Variants in ABCA7 observed in about 807,000 individuals in gnomAD.
ABCA7 encodes the protein ATP binding cassette subfamily A member 7.
In ABCA7, 261 loss-of-function variants were observed where a neutral mutation model predicts 227.6. That is an observed-to-expected ratio of 1.15 (90% CI 1.04 to 1.27). The LOEUF is 1.27. Among genes scored for constraint, ABCA7 ranks in the 50% most tolerant of loss-of-function variants. The pLI, the probability that ABCA7 is intolerant of heterozygous loss-of-function variation, is 0.00. For synonymous variants in ABCA7, 1,488 were observed against 1,279.7 expected, an observed-to-expected ratio of 1.16 and a Z score of -3.47; for missense variants, 3,331 against 2,924.5, an observed-to-expected ratio of 1.14 and a Z score of -3.21.
In ABCA7 at chr19:1,056,103, C is replaced by T. The variant is rs778994333; in HGVS notation, c.4276C>T (p.Leu1426=). The T allele has an allele frequency of 6.2e-7, 1 of 1,605,478 alleles. No individual in the cohort carries two copies. Among genetic ancestry groups the T allele is most frequent in the Non-Finnish European group, 8.5e-7 (1 of 1,175,736 alleles). ...CTCGCTGGGGGGCCGAGACCCAGGC[C>T]TGCCCTCGGGCCAAGAGTTGGGCCG... is the stretch of plus-strand genomic sequence containing the variant. ...GFSLGGRDPG[L]PSGQELGRSV... The change falls in exon 32 of 47, where the codon CTG becomes TTG. Residue 1426 remains leucine, a synonymous_variant. Transcript: ENST00000263094. This position sits in a 1 kb window ranked among gnomAD's most constrained non-coding sequence, Gnocchi z 4.3.
chr19:1,048,902 C>G lies in ABCA7; in HGVS notation c.2277C>G (p.Tyr759Ter). 2 of 1,605,432 alleles carry G rather than the reference C, an allele frequency of 1.2e-6. No homozygotes were observed. Among genetic ancestry groups the G allele is most frequent in the Non-Finnish European group, 8.5e-7 (1 of 1,176,072 alleles). Residue 759 changes from tyrosine (Y) to a stop codon, truncating the protein, a stop_gained, in exon 17 of 47, where the codon TAC becomes TAG. Coordinates refer to ENST00000263094, the MANE Select transcript of ABCA7 (RefSeq NM_019112.4). LOFTEE classifies it high-confidence loss of function. The stretch of plus-strand genomic sequence containing the variant: ...CCGCGCCCCTCCCCGCAGGCCAGTA[C>G]GGGATCCCTGAACCATGGAATTTTC... ...WYLEAVCPGQ[Y>*]GIPEPWNFPF...
intron 45 of ABCA7, 57 bp downstream of exon 45, chr19:1,064,310 T>G: frequency 6.7e-7 from 1 of 1,490,488 alleles, no homozygotes; most frequent in Non-Finnish European, 9.0e-7. Flanking sequence ...GTAGGTAGGC[T>G]CAGGGGAGAG....
Position 1,056,960 on chromosome 19 carries a change from C to T in ABCA7, c.4640C>T (p.Ser1547Phe). The T allele has an allele frequency of 1.2e-6, 2 of 1,614,100 alleles. No homozygotes were observed. The highest frequency in any genetic ancestry group is 2.2e-5 in the South Asian group (2 of 91,090). ...TCCATCTGTGTGGTCTTTGCCATGTCCTTTGTCCCGGCCAGCTTCACTCTT... is the reference window on the plus strand; with the variant it reads ...TCCATCTGTGTGGTCTTTGCCATGTTCTTTGTCCCGGCCAGCTTCACTCTT... ...LVSICVVFAM[S>F]FVPASFTLVL... Residue 1547 changes from serine (S) to phenylalanine (F), a missense_variant, in exon 34 of 47, where the codon TCC becomes TTC. By Grantham distance (155) the Ser-to-Phe change is radical. Transcript: ENST00000263094. This position sits in a 1 kb window ranked among gnomAD's most constrained non-coding sequence, Gnocchi z 4.3.
chr19:1,050,825 T>TAATAATAAA (rs1381803314), intron 18 of ABCA7, 96 bp from the exon 19 acceptor site: 1 of 742,870 alleles, frequency 1.3e-6, no homozygotes, highest in African/African-American at 2.2e-5. Flanking sequence ...TAATAAATAA[T>TAATAATAAA]TAAAAATTTT....
chr19:1,055,577 A>T, intron 30 of ABCA7, among the ~76,000 whole-genome samples: 1 of 135,364 alleles, frequency 7.4e-6, no homozygotes, highest in East Asian at 2.1e-4. Context: ...ATCTCAGCTC[A>T]TTGCAACCTC....
intron 12 of ABCA7, 164 bp downstream of exon 12, chr19:1,045,395 G>T: frequency 2.8e-6 from 2 of 722,460 alleles, no homozygotes; most frequent in Non-Finnish European, 4.5e-6. Context: ...AGACCAATAG[G>T]GGCCCGTGAT....
rs369179033 is a variant in ABCA7 at position 1,057,308 on chromosome 19, A to G, written c.4765-6A>G. On this transcript the variant is annotated splice_polypyrimidine_tract_variant and splice_region_variant and intron_variant, in intron 34 of 46. Transcript: ENST00000263094. ...CTGATAAAGGTAACTGCCATCTCCA[A>G]TGCAGTGTAACTACTTGGTGCCAGC... 6.8e-5 allele frequency: 110 copies of G among 1,613,592 alleles called. No homozygotes were observed. Among genetic ancestry groups the G allele is most frequent in the African/African-American group, 6.7e-5 (5 of 74,920 alleles).
In ABCA7 at chr19:1,063,669, G is replaced by C. The variant is rs753900971; in HGVS notation, c.5838G>C (p.Val1946=). 1.2e-6 allele frequency: 2 copies of C among 1,600,640 alleles called. No individual in the cohort carries two copies. Among genetic ancestry groups the C allele is most frequent in the African/African-American group, 2.7e-5 (2 of 74,910 alleles). The part of the protein sequence containing the change: ...TALALVGDPA[V]VFLDEPTTGM... ...TGGCGCTGGTTGGGGACCCAGCCGT[G>C]GTGTTTCTGGTGCGTGGGAGCGGTG... The change falls in exon 43 of 47, where the codon GTG becomes GTC. Residue 1946 remains valine, a synonymous_variant. Transcript: ENST00000263094.
rs780312323 is a variant in ABCA7, at chr19:1,049,223, G to A, written c.2381-43G>A. ...GCTCTGAGGGACTTGCAGGCCCCAGGACCCCCATGACCTCCATGGCTGAGT... is the reference window on the plus strand; with the variant it reads ...GCTCTGAGGGACTTGCAGGCCCCAGAACCCCCATGACCTCCATGGCTGAGT... On this transcript the variant is annotated intron_variant, in intron 17 of 46. Coordinates refer to ENST00000263094, the MANE Select transcript of ABCA7 (RefSeq NM_019112.4). The A allele has an allele frequency of 2.6e-6, 4 of 1,551,862 alleles. No homozygotes were observed. In the South Asian group the frequency reaches 3.6e-5, roughly 14 times the overall value.
chr19:1,050,785 T>TAATAATAAC (rs2041521482), intron 18 of ABCA7, 136 bp from the exon 19 acceptor site: 1 of 92,066 alleles, frequency 1.1e-5, no homozygotes, highest in Non-Finnish European at 1.7e-5. Context: ...GTCTCAAAAA[T>TAATAATAAC]AATAATAATA....
At chr19:1,042,667 C>G (rs770253202) in intron 6 of ABCA7, 79 bp from the exon 7 acceptor site, 254 of 1,423,224 alleles carry the variant, frequency 1.8e-4, no homozygotes, top group Non-Finnish European at 2.5e-4. Context: ...ATAGTATGGT[C>G]TGCCTGGGAA....
At chr19:1,063,889 C>CTCTGA in intron 44 of ABCA7, 26 bp downstream of exon 44, 1 of 1,511,206 alleles carries the variant, frequency 6.6e-7, no homozygotes, top group East Asian at 2.5e-5. Context: ...ATGCCCTGGG[C>CTCTGA]TGTGGTTAAG....
chr19:1,050,634 G>A (rs2041491532), intron 18 of ABCA7, among the ~76,000 whole-genome samples: 1 of 150,572 alleles, frequency 6.6e-6, no homozygotes, highest in Admixed American at 6.6e-5. Flanking sequence ...AAAAAAATTA[G>A]CCGGACATGG....
Position 1,054,714 on chromosome 19 carries a change from G to T in ABCA7, c.3851+20G>T. 1 of 1,609,180 alleles carries T rather than the reference G, an allele frequency of 6.2e-7. No homozygotes were observed. Among genetic ancestry groups the T allele is most frequent in the African/African-American group, 1.3e-5 (1 of 74,952 alleles). On this transcript the variant is annotated intron_variant, in intron 28 of 46. Transcript: ENST00000263094. The surrounding 1 kb of genome is among the most constrained non-coding windows in gnomAD (Gnocchi z 4.8). The stretch of plus-strand genomic sequence containing the variant: ...CTTCAGGTGGGTGCAGAAGGAAGGG[G>T]CTGGTGGCAGGAAGACTAGGGACCT...
chr19:1,058,688 G>C lies in ABCA7; in HGVS notation c.5220G>C (p.Gln1740His). The change falls in exon 38 of 47, where the codon CAG (glutamine) becomes CAC (histidine). Residue 1740 changes from glutamine (Q) to histidine (H), a missense_variant. Coordinates refer to ENST00000263094, the MANE Select transcript of ABCA7 (RefSeq NM_019112.4). ...AGAACCTCTTGGCCATGGTGATACA[G>C]GGGCCCCTCTTCCTTCTCTTCACAC... is the stretch of plus-strand genomic sequence containing the variant. ...VGKNLLAMVI[Q>H]GPLFLLFTLL... 1 of 1,613,864 alleles carries C rather than the reference G, an allele frequency of 6.2e-7. No homozygotes were observed.
At chr19:1,049,149 C>G in intron 17 of ABCA7, 117 bp from the exon 18 acceptor site, 2 of 1,277,244 alleles carry the variant, frequency 1.6e-6, no homozygotes, top group Non-Finnish European at 2.2e-6. Flanking sequence ...CCCAAGCTCC[C>G]GCAGCTTTTA....
chr19:1,048,867 A>G (rs1435526762), intron 16 of ABCA7, 28 bp from the exon 17 acceptor site: 2 of 1,400,744 alleles, frequency 1.4e-6, no homozygotes, highest in South Asian at 2.6e-5. Context: ...GGGGTGGGCT[A>G]AGCAATAACC....
At position 1,054,710 on chromosome 19, in the gene ABCA7, A is replaced by C; in HGVS notation, c.3851+16A>C. ...CCTTCTTCAGGTGGGTGCAGAAGGA[A>C]GGGGCTGGTGGCAGGAAGACTAGGG... On this transcript the variant is annotated intron_variant, in intron 28 of 46. Transcript: ENST00000263094. The surrounding 1 kb of genome is among the most constrained non-coding windows in gnomAD (Gnocchi z 4.8). The C allele has an allele frequency of 6.2e-7, 1 of 1,609,688 alleles. No individual in the cohort carries two copies. The highest frequency in any genetic ancestry group is 8.5e-7 in the Non-Finnish European group (1 of 1,176,988).
At chr19:1,042,262 T>G in intron 5 of ABCA7, 53 bp from the exon 6 acceptor site, 9 of 1,580,820 alleles carry the variant, frequency 5.7e-6, no homozygotes, top group Non-Finnish European at 7.8e-6. Context: ...TGGGGGTGGG[T>G]GCCTCAGACC....
Sources: allele counts gnomAD v4.1 joint callset (sites outside exome capture counted in the v4.1 genomes callset), GRCh38; gene constraint gnomAD v4.1.1; non-coding constraint Gnocchi (gnomAD v3.1); transcripts MANE v1.5; gene names NCBI Gene and HGNC (gene_info 2026-07-23, HGNC 2026-07-21).